MLLT3: variants seen among roughly 807,000 people sequenced by gnomAD.
MLLT3 encodes MLLT3 super elongation complex subunit.
MLLT3 carries 4 observed loss-of-function variants against 53.2 expected under a neutral mutation model. The observed-to-expected ratio is 0.08, with a 90% CI of 0.04 to 0.17. The LOEUF is 0.17. MLLT3 is among the 10% of genes least tolerant of loss of function. The pLI is 1.00. For synonymous variants in MLLT3, 283 were observed against 230.6 expected, an observed-to-expected ratio of 1.23 and a Z score of -2.06; for missense variants, 569 against 684.0, an observed-to-expected ratio of 0.83 and a Z score of 1.87.
chr9:20,556,979 C>T (rs894810502), intron 2 of MLLT3, among the ~76,000 whole-genome samples: 2 of 152,104 alleles, frequency 1.3e-5, no homozygotes, highest in Non-Finnish European at 2.9e-5. Context: ...TGGAGCTATA[C>T]CAGTAGCAGT....
Position 20,379,426 on chromosome 9 carries a change from ATTGGAATTTAGAATAAAGAC to A in MLLT3, c.1126-13702_1126-13683del, listed in dbSNP as rs548722203. 1.1e-3 allele frequency among the ~76,000 whole-genome samples: 164 copies of A among 152,190 alleles called. 1 individual carries two copies. The highest frequency in any genetic ancestry group is 3.6e-3 in the African/African-American group (149 of 41,584). ...CCAAATCATCATCATAGTGAGAACAATTGGAATTTAGAATAAAGACACTGGATTCATCATCTTGAATTTTC... is the reference window on the plus strand; with the variant it reads ...CCAAATCATCATCATAGTGAGAACAAACTGGATTCATCATCTTGAATTTTC... On this transcript the variant is annotated intron_variant, in intron 5 of 10. Coordinates refer to ENST00000380338, the MANE Select transcript of MLLT3 (RefSeq NM_004529.4).
At chr9:20,418,412 G>A (rs1400441013) in intron 4 of MLLT3, 1 of 152,204 alleles carries the variant, frequency 6.6e-6, no homozygotes, top group African/African-American at 2.4e-5. Flanking sequence ...TTAAAATTCA[G>A]AATTCTGGGG....
At chr9:20,350,456 G>C (rs914483663) in intron 10 of MLLT3, among the ~76,000 whole-genome samples, 1 of 151,632 alleles carries the variant, frequency 6.6e-6, no homozygotes, top group South Asian at 2.1e-4. Context: ...TTAGCCGGGC[G>C]TGGTGGCGGG....
intron 2 of MLLT3, among the ~76,000 whole-genome samples, chr9:20,502,081 CAA>C (rs764771428): frequency 1.2e-4 from 4 of 32,508 alleles, no homozygotes; most frequent in Admixed American, 4.2e-4. Context: ...AACTCCATCT[CAA>C]AAAAAAAAAA....
intron 2 of MLLT3, among the ~76,000 whole-genome samples, chr9:20,489,634 T>A (rs534160870): frequency 6.6e-6 from 1 of 152,244 alleles, no homozygotes; most frequent in Non-Finnish European, 1.5e-5. Flanking sequence ...TTACAACCTA[T>A]CTTCAAATAC....
chr9:20,552,251 G>T (rs368345057), intron 2 of MLLT3, among the ~76,000 whole-genome samples: 9 of 152,262 alleles, frequency 5.9e-5, no homozygotes, highest in South Asian at 4.1e-4. Context: ...CTTTAGAAAT[G>T]GAAGCATTCG....
At chr9:20,463,163 C>G (rs1824153187) in intron 2 of MLLT3, among the ~76,000 whole-genome samples, 1 of 152,012 alleles carries the variant, frequency 6.6e-6, no homozygotes, top group African/African-American at 2.4e-5. Context: ...ATTTGAGACT[C>G]CAAATTGGCT....
At chr9:20,388,770 T>G (rs1055516176) in intron 5 of MLLT3, among the ~76,000 whole-genome samples, 2 of 152,196 alleles carry the variant, frequency 1.3e-5, no homozygotes, top group African/African-American at 4.8e-5. Context: ...AAGAGTGATG[T>G]CACCAAGAAT....
chr9:20,489,631 C>G (rs113626272), intron 2 of MLLT3, among the ~76,000 whole-genome samples: 2 of 152,310 alleles, frequency 1.3e-5, no homozygotes, highest in African/African-American at 4.8e-5. Flanking sequence ...TACTTACAAC[C>G]TATCTTCAAA....
chr9:20,431,574 T>C (rs1415206499), intron 4 of MLLT3, among the ~76,000 whole-genome samples: 2 of 152,204 alleles, frequency 1.3e-5, no homozygotes, highest in Non-Finnish European at 2.9e-5. Flanking sequence ...TATTTATTTA[T>C]GTATATGGGT....
intron 3 of MLLT3, among the ~76,000 whole-genome samples, chr9:20,452,585 T>C (rs1269777952): frequency 6.6e-6 from 1 of 152,216 alleles, no homozygotes; most frequent in Non-Finnish European, 1.5e-5. Flanking sequence ...AAGACAGAGT[T>C]GTATAAACTC....
At position 20,569,062 on chromosome 9, in the gene MLLT3, C is replaced by G. The variant is rs542941541; in HGVS notation, c.193+51592G>C. Among the ~76,000 whole-genome samples, 3 of 152,210 alleles carry G rather than the reference C, an allele frequency of 2.0e-5. 1 individual carries two copies. Among genetic ancestry groups the G allele is most frequent in the African/African-American group, 7.2e-5 (3 of 41,532 alleles). The stretch of plus-strand genomic sequence containing the variant: ...CCAGAGCCTCAGGTTCCAACGTAAC[C>G]CTATGTGAGGGTAACACTTACACCC... On this transcript the variant is annotated intron_variant, in intron 2 of 10. Transcript: ENST00000380338.
intron 4 of MLLT3, among the ~76,000 whole-genome samples, chr9:20,429,284 C>T (rs1197885060): frequency 6.6e-6 from 1 of 152,104 alleles, no homozygotes; most frequent in East Asian, 1.9e-4. Context: ...AGGAGAATCC[C>T]TTGAGCCCAG....
chr9:20,542,238 ATTTT>A (rs35985088), intron 2 of MLLT3, among the ~76,000 whole-genome samples: 1 of 50,606 alleles, frequency 2.0e-5, no homozygotes, highest in Non-Finnish European at 4.8e-5. Context: ...GAGCAGTAAT[ATTTT>A]TTTTTTTTTT....
rs1820762140 is a variant in MLLT3, at chr9:20,342,601, A to G, written c.*3842T>C. 4.6e-6 allele frequency: 1 copy of G among 217,640 alleles called. No individual in the cohort carries two copies. The highest frequency in any genetic ancestry group is 9.2e-6 in the Non-Finnish European group (1 of 108,252). The allele number at this position is 217,640 out of a possible 1,614,324, so 13.5% of individuals were successfully genotyped here. A position where few individuals can be genotyped will look rare whatever the true frequency, so the allele number is the denominator to read the frequency against. On this transcript the variant is annotated 3_prime_UTR_variant, in exon 11 of 11. Coordinates refer to ENST00000380338, the MANE Select transcript of MLLT3 (RefSeq NM_004529.4). Reference sequence around the variant, plus strand: ...AGCGGTGGCTTTGTCTTCCTTTTAAATTGACTTCTTCACTGCATCTTTACA... The same window carrying G: ...AGCGGTGGCTTTGTCTTCCTTTTAAGTTGACTTCTTCACTGCATCTTTACA...
intron 2 of MLLT3, among the ~76,000 whole-genome samples, chr9:20,492,205 G>A (rs1181677513): frequency 2.6e-5 from 4 of 151,822 alleles, no homozygotes; most frequent in African/African-American, 9.7e-5. Context: ...TTATTTGCAG[G>A]TGTTCCTAAA....
intron 2 of MLLT3, among the ~76,000 whole-genome samples, chr9:20,509,059 G>A (rs141121833): frequency 6.6e-6 from 1 of 152,196 alleles, no homozygotes; most frequent in Non-Finnish European, 1.5e-5. Flanking sequence ...TTTCATGCAA[G>A]AGAGGTATCT....
rs35505450 is a variant in MLLT3, at chr9:20,567,304, T to TAA, written c.193+53348_193+53349dup. Among the ~76,000 whole-genome samples the TAA allele has an allele frequency of 9.2e-3, 736 of 79,676 alleles. 4 individuals are homozygous for TAA. The highest frequency in any genetic ancestry group is 0.02 in the African/African-American group (414 of 20,806). The allele number at this position is 79,676 out of a possible 152,430, so 52.3% of individuals were successfully genotyped here. A position where few individuals can be genotyped will look rare whatever the true frequency, so the allele number is the denominator to read the frequency against. On this transcript the variant is annotated intron_variant, in intron 2 of 10. Coordinates refer to ENST00000380338, the MANE Select transcript of MLLT3 (RefSeq NM_004529.4). Reference sequence around the variant, plus strand: ...GAGCTGAAAGTAGTACTATATTCAGTAAAAAAAAAAAAAAAAAAAAAAAAC... The same window carrying TAA: ...GAGCTGAAAGTAGTACTATATTCAGTAAAAAAAAAAAAAAAAAAAAAAAAAAC...
At chr9:20,509,365 T>C (rs1384808039) in intron 2 of MLLT3, among the ~76,000 whole-genome samples, 1 of 152,202 alleles carries the variant, frequency 6.6e-6, no homozygotes, top group Non-Finnish European at 1.5e-5. Context: ...AGCTGAAATG[T>C]AGTGGGGGAA....
Sources: allele counts gnomAD v4.1 joint callset (sites outside exome capture counted in the v4.1 genomes callset), GRCh38; gene constraint gnomAD v4.1.1; transcripts MANE v1.5; gene names NCBI Gene and HGNC (gene_info 2026-07-23, HGNC 2026-07-21).